GRIP1: variants seen among roughly 807,000 people sequenced by gnomAD.
GRIP1 encodes the protein glutamate receptor interacting protein 1, also known as glutamate receptor-interacting protein 1.
Under a neutral mutation model 129.9 loss-of-function variants are expected in GRIP1, and 45 were observed. The observed-to-expected ratio is 0.35, with a 90% CI of 0.27 to 0.44. The LOEUF is 0.44. Ranked by LOEUF, GRIP1 falls within the 20% of genes least tolerant of loss-of-function variation. The pLI is 1.00. For synonymous variants in GRIP1, 530 were observed against 520.8 expected, an observed-to-expected ratio of 1.02 and a Z score of -0.24; for missense variants, 1,196 against 1,396.8, an observed-to-expected ratio of 0.86 and a Z score of 2.29.
intron 1 of GRIP1, among the ~76,000 whole-genome samples, chr12:66,708,699 T>C (rs2035616497): frequency 6.6e-6 from 1 of 151,926 alleles, no homozygotes; most frequent in African/African-American, 2.4e-5. Flanking sequence ...CTTTAAGTTC[T>C]GGGGTACATG....
chr12:66,787,983 A>G (rs2038407954), intron 1 of GRIP1, among the ~76,000 whole-genome samples: 1 of 152,046 alleles, frequency 6.6e-6, no homozygotes, highest in Non-Finnish European at 1.5e-5. Flanking sequence ...CATATGATTT[A>G]GATTTTGGCT....
chr12:66,939,333 C>A (rs2041545721), intron 1 of GRIP1, among the ~76,000 whole-genome samples: 1 of 148,178 alleles, frequency 6.7e-6, no homozygotes, highest in Non-Finnish European at 1.5e-5. Context: ...GGCGACAGAG[C>A]AAGACCCTGT....
At chr12:66,415,073 G>C (rs1282441722) in intron 15 of GRIP1, among the ~76,000 whole-genome samples, 1 of 151,884 alleles carries the variant, frequency 6.6e-6, no homozygotes, top group Non-Finnish European at 1.5e-5. Flanking sequence ...CATAGGCACA[G>C]GCAAAGATTT....
chr12:66,469,441 A>C (rs2059375843), intron 7 of GRIP1, among the ~76,000 whole-genome samples: 1 of 152,206 alleles, frequency 6.6e-6, no homozygotes. Context: ...ATGTTTATGA[A>C]GGTGGGATAA....
intron 1 of GRIP1, among the ~76,000 whole-genome samples, chr12:66,885,824 G>C (rs1039720263): frequency 2.6e-5 from 4 of 152,176 alleles, no homozygotes; most frequent in Admixed American, 1.3e-4. Flanking sequence ...GCCTGGAACT[G>C]ACCTTGTTAC....
intron 1 of GRIP1, among the ~76,000 whole-genome samples, chr12:66,655,520 T>C (rs1364812448): frequency 3.3e-5 from 5 of 152,126 alleles, no homozygotes; most frequent in Non-Finnish European, 7.3e-5. Flanking sequence ...GGTTCACTCT[T>C]AACTACTTTT....
In GRIP1 at chr12:66,424,103, C is replaced by A. The variant is rs559364558; in HGVS notation, c.1769-3314G>T. On this transcript the variant is annotated intron_variant, in intron 14 of 24. Transcript: ENST00000359742. Reference sequence around the variant, plus strand: ...GTTACTAGATTTGCATTATTTGAGTCATTTACAAGCTTGTTCAGAATTCAT... The same window carrying A: ...GTTACTAGATTTGCATTATTTGAGTAATTTACAAGCTTGTTCAGAATTCAT... Among the ~76,000 whole-genome samples the A allele has an allele frequency of 2.6e-5, 4 of 152,280 alleles. No individual in the cohort carries two copies. The South Asian group carries it at 6.2e-4, about 24-fold the overall frequency.
At chr12:66,834,440 T>C (rs2039574080) in intron 1 of GRIP1, among the ~76,000 whole-genome samples, 1 of 152,096 alleles carries the variant, frequency 6.6e-6, no homozygotes, top group Non-Finnish European at 1.5e-5. Flanking sequence ...ACTCAATTAA[T>C]ACAGATACAA....
chr12:66,961,965 G>T (rs1938558701), intron 1 of GRIP1, among the ~76,000 whole-genome samples: 2 of 152,164 alleles, frequency 1.3e-5, no homozygotes, highest in African/African-American at 4.8e-5. Context: ...TTTTTAAAAA[G>T]TAGCCTAGTA....
intron 1 of GRIP1, among the ~76,000 whole-genome samples, chr12:66,953,905 C>T (rs1486553090): frequency 1.3e-5 from 2 of 152,040 alleles, no homozygotes; most frequent in East Asian, 1.9e-4. Flanking sequence ...TCTAGTAAAA[C>T]TTCATACTCA....
At chr12:67,035,872 T>C (rs2043086872) in intron 1 of GRIP1, among the ~76,000 whole-genome samples, 1 of 152,190 alleles carries the variant, frequency 6.6e-6, no homozygotes, top group African/African-American at 2.4e-5. Context: ...AACTTCTTAG[T>C]GCTGTACCTC....
In GRIP1 at chr12:66,568,900, G is replaced by C. The variant is rs1406901426; in HGVS notation, c.137-26950C>G. ...GTCTTATGCAGTTGAGTAGGTTCCA[G>C]AGGGAGGTGAGACAGTCTGGGAAGG... is the stretch of plus-strand genomic sequence containing the variant. On this transcript the variant is annotated intron_variant, in intron 2 of 24. Coordinates refer to ENST00000359742, the MANE Select transcript of GRIP1 (RefSeq NM_001366722.1). The C allele has an allele frequency of 5.8e-6, 3 of 517,572 alleles. No homozygotes were observed. The African/African-American group carries it at 5.8e-5, about 10-fold the overall frequency. The allele number at this position is 517,572 out of a possible 1,614,324, so 32.1% of individuals were successfully genotyped here.
At chr12:66,921,732 C>A (rs2041216747) in intron 1 of GRIP1, among the ~76,000 whole-genome samples, 1 of 152,196 alleles carries the variant, frequency 6.6e-6, no homozygotes, top group African/African-American at 2.4e-5. Flanking sequence ...TTAAAACCAT[C>A]CAGAGAAACT....
chr12:66,603,743 T>C (rs1207402344), intron 1 of GRIP1, among the ~76,000 whole-genome samples: 1 of 152,182 alleles, frequency 6.6e-6, no homozygotes, highest in Non-Finnish European at 1.5e-5. Flanking sequence ...TTTCTTCAAA[T>C]GGAAAGGAAA....
intron 1 of GRIP1, among the ~76,000 whole-genome samples, chr12:67,048,951 G>A (rs1163338353): frequency 6.6e-6 from 1 of 152,016 alleles, no homozygotes; most frequent in African/African-American, 2.4e-5. Flanking sequence ...TCAGCAGCAT[G>A]AAATGGACTG....
intron 16 of GRIP1, among the ~76,000 whole-genome samples, chr12:66,398,354 G>A (rs137912822): frequency 2.3e-4 from 35 of 151,978 alleles, no homozygotes; most frequent in African/African-American, 7.3e-4. Context: ...AGAGGGTCAC[G>A]CCATTCTCCC....
intron 7 of GRIP1, among the ~76,000 whole-genome samples, chr12:66,478,511 A>T (rs1328989491): frequency 6.6e-6 from 1 of 152,182 alleles, no homozygotes. Flanking sequence ...CATTTGACCC[A>T]GCCATCCCAT....
rs758449154 is a variant in GRIP1 at position 66,349,115 on chromosome 12, ACT to A, written c.3289_3290del (p.Leu1098ThrfsTer6). ...LASQKSIDQQ[S>X]LPGDWSEQNS... ...TCTGTTCACTCCAATCTCCTGGTAG[ACT>A]CTGTTGGTCTATAGACTTCTGTGAA... On this transcript the variant is annotated frameshift_variant, in exon 25 of 25. Transcript: ENST00000359742. LOFTEE classifies it high-confidence loss of function. The A allele has an allele frequency of 2.5e-6, 4 of 1,613,878 alleles. No individual in the cohort carries two copies. Among genetic ancestry groups the A allele is most frequent in the Non-Finnish European group, 3.4e-6 (4 of 1,179,886 alleles).
intron 1 of GRIP1, among the ~76,000 whole-genome samples, chr12:66,781,973 T>C (rs1048538383): frequency 2.6e-5 from 4 of 152,220 alleles, no homozygotes; most frequent in African/African-American, 9.6e-5. Flanking sequence ...TTCATTTATA[T>C]AAACTTCAAA....
Sources: allele counts gnomAD v4.1 joint callset (sites outside exome capture counted in the v4.1 genomes callset), GRCh38; gene constraint gnomAD v4.1.1; transcripts MANE v1.5; gene names NCBI Gene and HGNC (gene_info 2026-07-23, HGNC 2026-07-21).